The following EPHA6 variants were observed in gnomAD, a reference collection of about 807,000 sequenced individuals.
EPHA6 encodes EPH receptor A6.
Under a neutral mutation model 112.0 loss-of-function variants are expected in EPHA6, and 50 were observed. The observed-to-expected ratio is 0.45, with a 90% confidence interval of 0.36 to 0.56. The LOEUF (loss-of-function observed/expected upper bound fraction) is 0.56, where lower values mean the gene tolerates loss of function less well. EPHA6 is among the 20% of genes least tolerant of loss of function. EPHA6 has a pLI of 0.00. For synonymous variants in EPHA6, 529 were observed against 490.7 expected, an observed-to-expected ratio of 1.08 and a Z score of -1.03; for missense variants, 1,280 against 1,417.4, an observed-to-expected ratio of 0.90 and a Z score of 1.56.
intron 11 of EPHA6, among the ~76,000 whole-genome samples, chr3:97,543,575 T>C (rs1297669738): frequency 6.6e-6 from 1 of 152,142 alleles, no homozygotes; most frequent in South Asian, 2.1e-4. Flanking sequence ...CTTGGCTATG[T>C]GGGCTCTTTT....
intron 7 of EPHA6, among the ~76,000 whole-genome samples, chr3:97,473,154 TG>T (rs1190184746): frequency 6.6e-6 from 1 of 151,738 alleles, no homozygotes; most frequent in African/African-American, 2.4e-5. Context: ...AGTATAATAG[TG>T]TTTCATTAAA....
At chr3:97,408,865 T>A (rs2087531623) in intron 6 of EPHA6, among the ~76,000 whole-genome samples, 1 of 152,074 alleles carries the variant, frequency 6.6e-6, no homozygotes, top group South Asian at 2.1e-4. Context: ...ATTCAGACTC[T>A]AACAGTTATA....
intron 3 of EPHA6, among the ~76,000 whole-genome samples, chr3:97,037,793 T>A (rs1385838925): frequency 6.6e-6 from 1 of 152,142 alleles, no homozygotes; most frequent in East Asian, 1.9e-4. Context: ...TAAGCTAATA[T>A]TTGCAGATGA....
chr3:97,628,527 A>T (rs1258274144), intron 13 of EPHA6, among the ~76,000 whole-genome samples: 2 of 151,982 alleles, frequency 1.3e-5, no homozygotes, highest in African/African-American at 4.8e-5. Context: ...CTGTTTTTTC[A>T]GGTGGCTAAA....
chr3:97,465,318 A>G (rs1483136545), intron 7 of EPHA6, among the ~76,000 whole-genome samples: 1 of 152,086 alleles, frequency 6.6e-6, no homozygotes, highest in Non-Finnish European at 1.5e-5. Flanking sequence ...TCAAAATAAT[A>G]GTAGTAAATA....
chr3:97,433,698 A>G (rs1273284778), intron 6 of EPHA6, among the ~76,000 whole-genome samples: 1 of 152,154 alleles, frequency 6.6e-6, no homozygotes, highest in Non-Finnish European at 1.5e-5. Flanking sequence ...CATTTGACAA[A>G]GTCAGGTGGA....
In EPHA6 at chr3:97,750,376, G is replaced by T. The variant is rs1282014578; in HGVS notation, c.*1675G>T. ...TTGTTCGTTTGTTTGTTTTTGAGAC[G>T]GAGGCGTTTTGCTCTTGTTGCCCAG... is the stretch of plus-strand genomic sequence containing the variant. On this transcript the variant is annotated 3_prime_UTR_variant, in exon 18 of 18. Transcript: ENST00000389672. 2.6e-5 allele frequency among the ~76,000 whole-genome samples: 4 copies of T among 151,230 alleles called. No homozygotes were observed. Among genetic ancestry groups the T allele is most frequent in the Non-Finnish European group, 5.9e-5 (4 of 67,870 alleles).
At chr3:97,119,518 C>T (rs149493177) in intron 3 of EPHA6, among the ~76,000 whole-genome samples, 50 of 151,962 alleles carry the variant, frequency 3.3e-4, no homozygotes, top group African/African-American at 1.1e-3. Flanking sequence ...TCTCAAAAAT[C>T]AAAGCCGCAG....
intron 10 of EPHA6, among the ~76,000 whole-genome samples, chr3:97,522,369 G>C (rs1370241451): frequency 6.6e-6 from 1 of 152,174 alleles, no homozygotes; most frequent in Non-Finnish European, 1.5e-5. Flanking sequence ...TTGGTAAGTT[G>C]AACCATCTTT....
chr3:97,039,395 A>G (rs1226832278), intron 3 of EPHA6, among the ~76,000 whole-genome samples: 1 of 152,118 alleles, frequency 6.6e-6, no homozygotes, highest in Non-Finnish European at 1.5e-5. Flanking sequence ...TAGAATTCAG[A>G]TGACTTTAAA....
At chr3:97,509,568 T>C (rs2092326787) in intron 10 of EPHA6, among the ~76,000 whole-genome samples, 1 of 152,228 alleles carries the variant, frequency 6.6e-6, no homozygotes, top group African/African-American at 2.4e-5. Context: ...GTTAGTCTGA[T>C]GGGCTTCCCT....
At chr3:97,430,873 A>G (rs937095070) in intron 6 of EPHA6, among the ~76,000 whole-genome samples, 1 of 152,114 alleles carries the variant, frequency 6.6e-6, no homozygotes, top group Non-Finnish European at 1.5e-5. Flanking sequence ...CAGTCTCTCA[A>G]AGAACACACC....
chr3:97,419,207 G>A (rs1490268492), intron 6 of EPHA6, among the ~76,000 whole-genome samples: 1 of 152,192 alleles, frequency 6.6e-6, no homozygotes, highest in Non-Finnish European at 1.5e-5. Context: ...GGAGGCTGAG[G>A]CAGGAGAATC....
At chr3:97,492,751 G>A (rs948335235) in intron 10 of EPHA6, among the ~76,000 whole-genome samples, 4 of 151,684 alleles carry the variant, frequency 2.6e-5, no homozygotes, top group African/African-American at 9.7e-5. Context: ...TGTATACTGG[G>A]AGATCAGATC....
intron 5 of EPHA6, among the ~76,000 whole-genome samples, chr3:97,392,577 A>T (rs865945217): frequency 5.9e-5 from 9 of 151,786 alleles, no homozygotes; most frequent in Non-Finnish European, 1.5e-5. Flanking sequence ...GTATGCCTAT[A>T]TATACATACT....
intron 7 of EPHA6, among the ~76,000 whole-genome samples, chr3:97,458,487 T>C (rs2090773333): frequency 6.6e-6 from 1 of 152,140 alleles, no homozygotes; most frequent in Non-Finnish European, 1.5e-5. Context: ...GGCAATTCCA[T>C]CAACAATAAA....
chr3:97,244,986 A>G (rs1331635249), intron 5 of EPHA6, among the ~76,000 whole-genome samples: 1 of 152,046 alleles, frequency 6.6e-6, no homozygotes, highest in Non-Finnish European at 1.5e-5. Flanking sequence ...AAACAAGAAA[A>G]GCTTCAGAGA....
At chr3:97,674,325 A>G (rs966538088) in intron 14 of EPHA6, among the ~76,000 whole-genome samples, 6 of 152,228 alleles carry the variant, frequency 3.9e-5, no homozygotes, top group Non-Finnish European at 7.3e-5. Flanking sequence ...ACACTCAGGC[A>G]AGAACAGTTG....
In EPHA6 at chr3:97,760,080, T is replaced by G. The variant is rs560901020; in HGVS notation, c.*11379T>G. The G allele has an allele frequency of 5.4e-6, 1 of 183,494 alleles. No homozygotes were observed. The highest frequency in any genetic ancestry group is 1.2e-5 in the Non-Finnish European group (1 of 86,382). The allele number at this position is 183,494 out of a possible 1,614,324, so 11.4% of individuals were successfully genotyped here. ...TTAAAATTAGCTTAATCCTGAAAGA[T>G]GTATATTGCATAATCAACCTGTCAC... is the stretch of plus-strand genomic sequence containing the variant. On this transcript the variant is annotated 3_prime_UTR_variant, in exon 18 of 18. Coordinates refer to ENST00000389672, the MANE Select transcript of EPHA6 (RefSeq NM_001080448.3).
Sources: allele counts gnomAD v4.1 joint callset (sites outside exome capture counted in the v4.1 genomes callset), GRCh38; gene constraint gnomAD v4.1.1; transcripts MANE v1.5; gene names NCBI Gene and HGNC (gene_info 2026-07-23, HGNC 2026-07-21).